RASEF: variants seen among roughly 807,000 people sequenced by gnomAD.
RASEF encodes ras and EF-hand domain-containing protein.
In RASEF, 68 loss-of-function variants were observed where a neutral mutation model predicts 90.1. The ratio of observed to expected loss-of-function variants is 0.75; its 90% confidence interval spans 0.62 to 0.92. The LOEUF (loss-of-function observed/expected upper bound fraction) is 0.92. RASEF is among the 40% of genes least tolerant of loss of function. The pLI, the probability that RASEF is intolerant of heterozygous loss-of-function variation, is 0.00. For synonymous variants in RASEF, 331 were observed against 345.2 expected, an observed-to-expected ratio of 0.96 and a Z score of 0.46; for missense variants, 949 against 937.2, an observed-to-expected ratio of 1.01 and a Z score of -0.16.
At chr9:83,019,501 C>A (rs750398505) in intron 3 of RASEF, among the ~76,000 whole-genome samples, 1 of 152,168 alleles carries the variant, frequency 6.6e-6, no homozygotes, top group Non-Finnish European at 1.5e-5. Flanking sequence ...TACAACCACT[C>A]TGGAAATCAG....
chr9:83,185,731 G>A, the RASEF span, among the ~76,000 whole-genome samples: 1 of 152,096 alleles, frequency 6.6e-6, no homozygotes, highest in Admixed American at 6.5e-5. Context: ...TCTAAGGCAG[G>A]GAGATAAGCA....
the RASEF span, among the ~76,000 whole-genome samples, chr9:83,212,488 G>T: frequency 6.6e-6 from 1 of 152,210 alleles, no homozygotes; most frequent in African/African-American, 2.4e-5. Context: ...ATTATGATTT[G>T]CAATTACTTA....
chr9:83,096,614 A>C, the RASEF span, among the ~76,000 whole-genome samples: 20 of 152,002 alleles, frequency 1.3e-4, no homozygotes, highest in Admixed American at 9.2e-4. Context: ...AGGGGGAAAC[A>C]AGGACTTGTT....
At chr9:83,198,082 T>C in the RASEF span, among the ~76,000 whole-genome samples, 1 of 152,166 alleles carries the variant, frequency 6.6e-6, no homozygotes, top group African/African-American at 2.4e-5. Flanking sequence ...TAGAACAAAA[T>C]AACTTACTGG....
At chr9:83,170,792 T>C in the RASEF span, among the ~76,000 whole-genome samples, 1 of 152,096 alleles carries the variant, frequency 6.6e-6, no homozygotes, top group East Asian at 1.9e-4. Context: ...TTTACTGGAT[T>C]CCTTTACCAA....
At chr9:83,158,966 C>G in the RASEF span, among the ~76,000 whole-genome samples, 3 of 151,650 alleles carry the variant, frequency 2.0e-5, no homozygotes, top group Non-Finnish European at 4.4e-5. Context: ...GCGGGTAGAT[C>G]ACAAGGTCAG....
the RASEF span, among the ~76,000 whole-genome samples, chr9:83,104,578 G>A: frequency 6.6e-6 from 1 of 152,044 alleles, no homozygotes; most frequent in Non-Finnish European, 1.5e-5. Context: ...ATAAATATAC[G>A]TGGTGGTATC....
chr9:83,199,386 C>T, the RASEF span, among the ~76,000 whole-genome samples: 2 of 152,014 alleles, frequency 1.3e-5, no homozygotes, highest in Non-Finnish European at 2.9e-5. Flanking sequence ...ACCATCGCAG[C>T]CTGTCTGTAG....
intron 1 of RASEF, chr9:83,048,302 T>C (rs1326590703): frequency 2.0e-5 from 20 of 985,266 alleles, no homozygotes; most frequent in Non-Finnish European, 2.4e-5. Context: ...GCGTCACTTC[T>C]CTGTGGTAGA....
chr9:83,190,511 C>T, the RASEF span, among the ~76,000 whole-genome samples: 10 of 152,062 alleles, frequency 6.6e-5, no homozygotes, highest in Admixed American at 6.6e-4. Context: ...CAGGTTTACA[C>T]CTTAGCTTTT....
At chr9:83,098,892 G>C in the RASEF span, among the ~76,000 whole-genome samples, 1 of 152,134 alleles carries the variant, frequency 6.6e-6, no homozygotes, top group Non-Finnish European at 1.5e-5. Context: ...ACAATTCAAG[G>C]TGAGATTCAG....
chr9:83,078,555 C>T, the RASEF span, among the ~76,000 whole-genome samples: 2 of 151,872 alleles, frequency 1.3e-5, no homozygotes, highest in Non-Finnish European at 2.9e-5. Flanking sequence ...TCCCAGCTAC[C>T]TGGGAAGCTG....
the RASEF span, among the ~76,000 whole-genome samples, chr9:83,078,666 GAAA>G: frequency 1.5e-5 from 2 of 133,388 alleles, no homozygotes; most frequent in African/African-American, 5.7e-5. Context: ...CCTGTCTAAA[GAAA>G]AAAAAAAAGA....
At chr9:83,101,654 C>T in the RASEF span, among the ~76,000 whole-genome samples, 2 of 152,174 alleles carry the variant, frequency 1.3e-5, no homozygotes, top group African/African-American at 4.8e-5. Flanking sequence ...ATACACACCA[C>T]GTTGATTCTC....
the RASEF span, among the ~76,000 whole-genome samples, chr9:83,074,565 T>C: frequency 3.9e-5 from 6 of 152,218 alleles, no homozygotes; most frequent in East Asian, 1.2e-3. Context: ...TTAAAAAAAA[T>C]CAAAAGAAAC....
At chr9:83,132,866 T>C in the RASEF span, among the ~76,000 whole-genome samples, 1 of 152,204 alleles carries the variant, frequency 6.6e-6, no homozygotes, top group African/African-American at 2.4e-5. Flanking sequence ...TGGTAATAAA[T>C]TGAAGAACAA....
chr9:82,996,832 C>T (rs577205832), intron 14 of RASEF, among the ~76,000 whole-genome samples, 180 bp downstream of exon 14: 2 of 152,278 alleles, frequency 1.3e-5, no homozygotes, highest in South Asian at 4.2e-4. Context: ...GGGAAATGTG[C>T]CCAAATCCTG....
chr9:83,045,822 T>A (rs1485433923), intron 1 of RASEF, among the ~76,000 whole-genome samples: 1 of 152,190 alleles, frequency 6.6e-6, no homozygotes, highest in Non-Finnish European at 1.5e-5. Context: ...GCCACTGAAA[T>A]GCAAGTCCAT....
the RASEF span, among the ~76,000 whole-genome samples, chr9:83,144,069 C>A: frequency 3.3e-5 from 5 of 151,990 alleles, no homozygotes; most frequent in Admixed American, 3.3e-4. Context: ...GCAAATACCA[C>A]ATGTTCTCAC....
Sources: gnomAD v4.1 joint callset for allele counts (sites outside exome capture counted in the v4.1 genomes callset) on GRCh38, gnomAD v4.1.1 for gene constraint, MANE v1.5 for transcripts, NCBI Gene and HGNC (gene_info 2026-07-23, HGNC 2026-07-21) for gene names.